The following MED13 variants were observed in gnomAD, a reference collection of about 807,000 sequenced individuals.
MED13 encodes mediator of RNA polymerase II transcription subunit 13.
MED13 carries 23 observed loss-of-function variants against 225.2 expected under a neutral mutation model. The ratio of observed to expected loss-of-function variants is 0.10; its 90% CI spans 0.07 to 0.14. The LOEUF (loss-of-function observed/expected upper bound fraction) is 0.14, where lower values mean the gene tolerates loss of function less well. MED13 is among the 10% of genes least tolerant of loss of function. The probability of loss-of-function intolerance (pLI) is 1.00; values close to 1 mark genes in which losing one functional copy is unlikely to be tolerated. For missense variants in MED13, 2,197 were observed against 2,594.5 expected (o/e 0.85, Z 3.33); for synonymous variants, 942 against 889.2 (o/e 1.06, Z -1.06).
intron 16 of MED13, among the ~76,000 whole-genome samples, chr17:61,975,263 C>A (rs1232607052): frequency 6.6e-6 from 1 of 151,960 alleles, no homozygotes; most frequent in Non-Finnish European, 1.5e-5. Context: ...TTCAACAATA[C>A]ATAAAAACCT....
intron 20 of MED13, among the ~76,000 whole-genome samples, 172 bp downstream of exon 20, chr17:61,964,834 G>GCCT (rs2080040440): frequency 6.6e-6 from 1 of 152,144 alleles, no homozygotes. Flanking sequence ...TACTAGGGAG[G>GCCT]CTGAGGGAGG....
intron 2 of MED13, 83 bp from the exon 3 acceptor site, chr17:62,052,788 C>A: frequency 1.1e-6 from 1 of 950,356 alleles, no homozygotes; most frequent in Non-Finnish European, 1.5e-6. Context: ...AGTTTAAACT[C>A]TATATTCATC....
At chr17:62,029,241 G>A (rs1199921464) in intron 8 of MED13, 5 of 274,938 alleles carry the variant, frequency 1.8e-5, no homozygotes, top group Non-Finnish European at 3.4e-5. Context: ...GATTTATATG[G>A]CTGTATAGCT....
At position 61,965,105 on chromosome 17, in the gene MED13, C is replaced by G; in HGVS notation, c.4745G>C (p.Gly1582Ala). ...MSTQANTVQS[G>A]QLGGQQTSAL... ...TGATGTCTGTTGCCCTCCTAGCTGA[C>G]CACTCTGAACTGTATTTGCTTGTGT... is the stretch of plus-strand genomic sequence containing the variant. Residue 1582 changes from glycine to alanine, a missense_variant, in exon 20 of 30, where the codon GGT (glycine) becomes GCT (alanine). Around this residue, in one of 12 missense-constraint regions of MED13, gnomAD observed 457 missense variants for 442.2 expected, o/e 1.03. Coordinates refer to ENST00000397786, the MANE Select transcript of MED13 (RefSeq NM_005121.3). 6.2e-7 allele frequency: 1 copy of G among 1,614,200 alleles called. No individual in the cohort carries two copies. The highest frequency in any genetic ancestry group is 1.7e-5 in the Admixed American group (1 of 60,024).
intron 6 of MED13, 155 bp downstream of exon 6, chr17:62,031,289 A>G (rs1276840376): frequency 3.1e-6 from 2 of 635,404 alleles, no homozygotes; most frequent in Admixed American, 3.5e-5. Flanking sequence ...GGAGTAAATA[A>G]TAACAGTTTG....
chr17:62,061,294 G>A (rs1394918995), intron 2 of MED13, among the ~76,000 whole-genome samples: 2 of 151,928 alleles, frequency 1.3e-5, no homozygotes, highest in African/African-American at 2.4e-5. Context: ...TAAGATGGAA[G>A]GATCACTAGA....
intron 5 of MED13, among the ~76,000 whole-genome samples, chr17:62,032,184 A>G (rs886236214): frequency 1.7e-4 from 26 of 152,044 alleles, no homozygotes; most frequent in African/African-American, 5.8e-4. Flanking sequence ...ACAACAACAA[A>G]AAAAACAGGC....
intron 8 of MED13, among the ~76,000 whole-genome samples, chr17:62,017,019 TATA>T (rs971439733): frequency 9.3e-5 from 14 of 150,144 alleles, no homozygotes; most frequent in Admixed American, 2.0e-4. Context: ...TCAAAAAATA[TATA>T]ATAATAATAA....
At chr17:61,996,121 GAC>G (rs1027930382) in intron 9 of MED13, among the ~76,000 whole-genome samples, 85 of 152,284 alleles carry the variant, frequency 5.6e-4, no homozygotes, top group African/African-American at 2.0e-3. Flanking sequence ...AGTGGAAACT[GAC>G]AGACCACAGA....
intron 2 of MED13, among the ~76,000 whole-genome samples, chr17:62,061,563 C>T (rs914375450): frequency 1.3e-5 from 2 of 152,020 alleles, no homozygotes; most frequent in Non-Finnish European, 2.9e-5. Context: ...TATATTTTAT[C>T]AATAGTTTAT....
At chr17:62,019,092 AT>A (rs1222439222) in intron 8 of MED13, among the ~76,000 whole-genome samples, 1 of 152,218 alleles carries the variant, frequency 6.6e-6, no homozygotes, top group East Asian at 1.9e-4. Context: ...TGAAAAAGTT[AT>A]TAAAATACTC....
At chr17:62,051,087 T>C (rs1014694283) in intron 3 of MED13, among the ~76,000 whole-genome samples, 6 of 152,262 alleles carry the variant, frequency 3.9e-5, no homozygotes, top group African/African-American at 1.4e-4. Context: ...CTTTGGTATC[T>C]ATCTAATATC....
chr17:61,963,757 C>T (rs537239926), intron 20 of MED13, among the ~76,000 whole-genome samples: 15 of 151,988 alleles, frequency 9.9e-5, no homozygotes, highest in Non-Finnish European at 1.9e-4. Context: ...TTTGTTTTTA[C>T]CCACATATGA....
intron 3 of MED13, 96 bp downstream of exon 3, chr17:62,052,441 G>T: frequency 1.1e-6 from 1 of 890,866 alleles, no homozygotes; most frequent in Non-Finnish European, 1.6e-6. Flanking sequence ...TCTGGAATAT[G>T]TCTGTATATT....
In MED13 at chr17:61,950,837, G is replaced by A. The variant is rs2079890636; in HGVS notation, c.6279C>T (p.Pro2093=). The change falls in exon 28 of 30, where the codon CCC becomes CCT. Residue 2093 remains proline (P), a synonymous_variant. Coordinates refer to ENST00000397786, the MANE Select transcript of MED13 (RefSeq NM_005121.3). ...SACPQAQYQC[P]LFLKASLHLH... is the part of the protein sequence containing the mutation. Reference sequence around the variant, plus strand: ...GAAATGGCAATACCTTAAGAAAAAGGGGACACTGATATTGTGCTTGAGGAC... The same window carrying A: ...GAAATGGCAATACCTTAAGAAAAAGAGGACACTGATATTGTGCTTGAGGAC... The A allele has an allele frequency of 3.7e-6, 6 of 1,609,646 alleles. No individual in the cohort carries two copies. The Admixed American group carries it at 6.8e-5, about 18-fold the overall frequency.
intron 8 of MED13, among the ~76,000 whole-genome samples, chr17:62,023,535 C>T (rs1478253107): frequency 6.6e-6 from 1 of 152,112 alleles, no homozygotes; most frequent in African/African-American, 2.4e-5. Context: ...GGAGTTGGCT[C>T]AAAAAGGGAC....
At chr17:61,995,085 A>G (rs1480491570) in intron 10 of MED13, 67 bp downstream of exon 10, 3 of 1,004,380 alleles carry the variant, frequency 3.0e-6, no homozygotes, top group East Asian at 4.8e-5. Flanking sequence ...TGTGGTAGTA[A>G]GAGTGTTACT....
chr17:61,990,149 C>G (rs1170191787), intron 11 of MED13, among the ~76,000 whole-genome samples: 1 of 152,106 alleles, frequency 6.6e-6, no homozygotes, highest in East Asian at 1.9e-4. Context: ...TTTTGCTGTA[C>G]ATCATAGTGA....
chr17:62,008,405 A>G (rs904846921), intron 9 of MED13, among the ~76,000 whole-genome samples: 1 of 151,712 alleles, frequency 6.6e-6, no homozygotes, highest in Non-Finnish European at 1.5e-5. Context: ...TACCTGCTAC[A>G]CAGATTCTTG....
Sources: allele counts gnomAD v4.1 joint callset (sites outside exome capture counted in the v4.1 genomes callset), GRCh38; gene constraint gnomAD v4.1.1; regional missense constraint gnomAD v4.1.1; transcripts MANE v1.5; gene names NCBI Gene and HGNC (gene_info 2026-07-23, HGNC 2026-07-21).